SCFD2: variants seen among roughly 807,000 people sequenced by gnomAD.
SCFD2 encodes the protein sec1 family domain-containing protein 2.
In SCFD2, 54 loss-of-function variants were observed where a neutral mutation model predicts 58.9. That is an observed-to-expected ratio of 0.92 (90% CI 0.74 to 1.15). The LOEUF (loss-of-function observed/expected upper bound fraction) is 1.15. SCFD2 is among the 50% of genes most tolerant of loss of function. The pLI is 0.00. For missense variants in SCFD2, 805 were observed against 836.6 expected (o/e 0.96, Z 0.47); for synonymous variants, 321 against 335.9 (o/e 0.96, Z 0.49).
chr4:53,068,581 C>T (rs192834991), intron 5 of SCFD2, among the ~76,000 whole-genome samples: 15 of 152,022 alleles, frequency 9.9e-5, no homozygotes, highest in Admixed American at 9.8e-4. Context: ...TACATAGTAA[C>T]CAAATATTCT....
At chr4:53,139,408 G>GCCCC (rs1560353138) in intron 5 of SCFD2, among the ~76,000 whole-genome samples, 36 of 131,346 alleles carry the variant, frequency 2.7e-4, no homozygotes, top group Admixed American at 3.7e-4. Context: ...CCCGGCTGCC[G>GCCCC]GCCGTCATCC....
intron 4 of SCFD2, among the ~76,000 whole-genome samples, chr4:53,247,085 T>C (rs1278642584): frequency 6.8e-6 from 1 of 147,188 alleles, no homozygotes; most frequent in Non-Finnish European, 1.5e-5. Flanking sequence ...AAAACAAAAG[T>C]TGAGCAAAGG....
At chr4:53,125,751 T>C (rs1415374613) in intron 5 of SCFD2, among the ~76,000 whole-genome samples, 1 of 152,202 alleles carries the variant, frequency 6.6e-6, no homozygotes. Flanking sequence ...GACTACCCAA[T>C]AGGATGCTGT....
rs190851548 is a variant in SCFD2, at chr4:53,105,254, C to T, written c.1561+40079G>A. 3.4e-4 allele frequency among the ~76,000 whole-genome samples: 51 copies of T among 152,108 alleles called. No homozygotes were observed. The East Asian group carries it at 7.2e-3, about 21-fold the overall frequency. ...GCCCTGGGTTTCAAGCACAAAACTG[C>T]GCGGCCGTTTGGGCAGACACCGAGC... On this transcript the variant is annotated intron_variant, in intron 5 of 8. Transcript: ENST00000401642.
chr4:53,106,437 C>A (rs531069837), intron 5 of SCFD2, among the ~76,000 whole-genome samples: 1 of 152,222 alleles, frequency 6.6e-6, no homozygotes, highest in Non-Finnish European at 1.5e-5. Flanking sequence ...GTTAAAGGAG[C>A]ATGTTCTAAC....
intron 4 of SCFD2, among the ~76,000 whole-genome samples, chr4:53,184,137 A>G (rs759158844): frequency 7.2e-5 from 11 of 152,096 alleles, no homozygotes; most frequent in Non-Finnish European, 1.3e-4. Flanking sequence ...TGTATTGGAG[A>G]TTGTTTCTTG....
chr4:53,036,757 G>A (rs544874234), intron 5 of SCFD2, among the ~76,000 whole-genome samples: 1 of 152,204 alleles, frequency 6.6e-6, no homozygotes, highest in Non-Finnish European at 1.5e-5. Flanking sequence ...ACAGGTTGAT[G>A]GGTGCAGCAA....
intron 5 of SCFD2, among the ~76,000 whole-genome samples, chr4:52,942,611 G>T (rs1720321142): frequency 6.6e-6 from 1 of 152,090 alleles, no homozygotes; most frequent in African/African-American, 2.4e-5. Flanking sequence ...GGTTGTTGGG[G>T]GAATAAATGA....
intron 5 of SCFD2, among the ~76,000 whole-genome samples, chr4:53,022,407 A>T (rs1380094886): frequency 1.3e-5 from 2 of 152,148 alleles, no homozygotes; most frequent in African/African-American, 2.4e-5. Context: ...GCAGTCTAAA[A>T]ATAACGTGTG....
intron 5 of SCFD2, among the ~76,000 whole-genome samples, chr4:52,964,387 T>C (rs1348972575): frequency 6.6e-6 from 1 of 152,154 alleles, no homozygotes; most frequent in African/African-American, 2.4e-5. Context: ...TAACTGCTAA[T>C]TGCTTTAGCC....
chr4:53,213,558 A>C (rs562139835), intron 4 of SCFD2, among the ~76,000 whole-genome samples: 1 of 152,140 alleles, frequency 6.6e-6, no homozygotes, highest in Non-Finnish European at 1.5e-5. Context: ...TCAGGAATTA[A>C]GATGTGCAGG....
rs1733242687 is a variant in SCFD2 at position 53,327,449 on chromosome 4, C to T, written c.1008-13686G>A. On this transcript the variant is annotated intron_variant, in intron 2 of 8. Coordinates refer to ENST00000401642, the MANE Select transcript of SCFD2 (RefSeq NM_152540.4). The stretch of plus-strand genomic sequence containing the variant: ...ATACCCACACCAAGAGTATGATGCA[C>T]TGTGGCAGTGGCAGCCCAGAGCAGG... Among the ~76,000 whole-genome samples, 5 of 152,294 alleles carry T rather than the reference C, an allele frequency of 3.3e-5. No homozygotes were observed. The South Asian group carries it at 1.0e-3, about 32-fold the overall frequency.
intron 7 of SCFD2, among the ~76,000 whole-genome samples, chr4:52,886,531 C>T (rs1718745796): frequency 6.6e-6 from 1 of 152,250 alleles, no homozygotes; most frequent in Non-Finnish European, 1.5e-5. Context: ...TAAGCCAGTG[C>T]ACAAGCCAGG....
intron 5 of SCFD2, among the ~76,000 whole-genome samples, chr4:53,033,987 A>G (rs1722691034): frequency 6.6e-6 from 1 of 152,220 alleles, no homozygotes; most frequent in Non-Finnish European, 1.5e-5. Flanking sequence ...TCCTGATACC[A>G]AAACCTGGCA....
At chr4:53,203,799 G>T (rs1728324581) in intron 4 of SCFD2, among the ~76,000 whole-genome samples, 1 of 151,936 alleles carries the variant, frequency 6.6e-6, no homozygotes, top group African/African-American at 2.4e-5. Context: ...ATAACACATG[G>T]GATAAAATTC....
chr4:53,012,350 T>C (rs1346994881), intron 5 of SCFD2, among the ~76,000 whole-genome samples: 4 of 139,200 alleles, frequency 2.9e-5, no homozygotes, highest in African/African-American at 5.5e-5. Flanking sequence ...AATCTCTCTC[T>C]CTCTTTCTCT....
intron 5 of SCFD2, among the ~76,000 whole-genome samples, chr4:53,106,168 GC>G (rs1167537273): frequency 3.3e-5 from 5 of 152,134 alleles, no homozygotes; most frequent in African/African-American, 1.2e-4. Flanking sequence ...GAAAGGAATA[GC>G]ATCAACATCA....
chr4:53,176,123 G>A (rs79849009), intron 4 of SCFD2, among the ~76,000 whole-genome samples: 2,811 of 152,240 alleles, frequency 0.018, 91 homozygotes, highest in African/African-American at 0.064. Flanking sequence ...ATAATGGAAT[G>A]TACCATGATA....
At chr4:52,884,712 G>A (rs1175292936) in intron 8 of SCFD2, among the ~76,000 whole-genome samples, 1 of 152,134 alleles carries the variant, frequency 6.6e-6, no homozygotes, top group Non-Finnish European at 1.5e-5. Flanking sequence ...TTAACAGGCT[G>A]TGCATCCCCA....
Sources: allele counts gnomAD v4.1 joint callset (sites outside exome capture counted in the v4.1 genomes callset), GRCh38; gene constraint gnomAD v4.1.1; transcripts MANE v1.5; gene names NCBI Gene and HGNC (gene_info 2026-07-23, HGNC 2026-07-21).